MIOS: variants seen among roughly 807,000 people sequenced by gnomAD.
MIOS encodes meiosis regulator for oocyte development.
In MIOS, 52 loss-of-function variants were observed where a neutral mutation model predicts 96.9. That is an observed-to-expected ratio of 0.54 (90% CI 0.43 to 0.68). MIOS has a LOEUF of 0.68. MIOS is among the 30% of genes least tolerant of loss of function. The pLI, the probability that MIOS is intolerant of heterozygous loss-of-function variation, is 0.00. For missense variants in MIOS, 1,005 were observed against 1,052.8 expected (o/e 0.95, Z 0.63); for synonymous variants, 397 against 359.5 (o/e 1.10, Z -1.18).
chr7:7,604,498 A>G (rs532267452), intron 11 of MIOS, among the ~76,000 whole-genome samples: 3 of 152,160 alleles, frequency 2.0e-5, no homozygotes, highest in South Asian at 4.1e-4. Context: ...TAGAAATGTT[A>G]CAGTAAAGAA....
intron 6 of MIOS, 46 bp downstream of exon 6, chr7:7,583,418 G>A: frequency 6.8e-7 from 1 of 1,475,494 alleles, no homozygotes. Context: ...TAAGATGTTA[G>A]CAGTTCATGG....
chr7:7,597,045 G>A lies in MIOS; in HGVS notation c.2401+584G>A, dbSNP rs545580125. Among the ~76,000 whole-genome samples, 147 of 152,160 alleles carry A rather than the reference G, an allele frequency of 9.7e-4. 2 individuals are homozygous for A. The highest frequency in any genetic ancestry group is 3.5e-3 in the African/African-American group (146 of 41,526). ...CCCCATCTCTATAAAAAATTTTTTT[G>A]GCCGGACATGGTGGCTCACGCCTGT... On this transcript the variant is annotated intron_variant, in intron 11 of 12. Transcript: ENST00000340080.
chr7:7,571,687 T>C (rs867604347), intron 3 of MIOS, among the ~76,000 whole-genome samples: 4 of 152,000 alleles, frequency 2.6e-5, no homozygotes, highest in African/African-American at 7.3e-5. Context: ...ACAAAGGGGT[T>C]CCCCACACAC....
At chr7:7,567,413 C>T (rs955686484) in intron 1 of MIOS, 194 bp from the exon 2 acceptor site, 5 of 152,298 alleles carry the variant, frequency 3.3e-5, no homozygotes, top group African/African-American at 1.2e-4. Flanking sequence ...CCTGCTTTAC[C>T]TAGAATAGCA....
At position 7,585,737 on chromosome 7, in the gene MIOS, A is replaced by C; in HGVS notation, c.1750A>C (p.Asn584His). 1 of 1,612,670 alleles carries C rather than the reference A, an allele frequency of 6.2e-7. No individual in the cohort carries two copies. The highest frequency in any genetic ancestry group is 8.5e-7 in the Non-Finnish European group (1 of 1,179,348). The change falls in exon 7 of 13, where the codon AAT (asparagine) becomes CAT (histidine). Residue 584 changes from asparagine to histidine, a missense_variant. Asn to His is a moderately conservative substitution (Grantham distance 68). This residue lies in a region of MIOS where 865 missense variants were observed against 887.9 expected (regional missense o/e 0.97). Transcript: ENST00000340080. Reference sequence around the variant, plus strand: ...GTGTAGCACACTGCGATTACAGCTAAATAACCCGTATTTGTGTGTCATGTT... The same window carrying C: ...GTGTAGCACACTGCGATTACAGCTACATAACCCGTATTTGTGTGTCATGTT... ...EMCSTLRLQL[N>H]NPYLCVMFAF...
intron 7 of MIOS, among the ~76,000 whole-genome samples, chr7:7,586,149 CATGCACGTGTGTGTGTGTGTGT>C (rs925972839): frequency 9.5e-5 from 13 of 136,662 alleles, no homozygotes; most frequent in African/African-American, 3.7e-4. Flanking sequence ...ACTGTGCACA[CATGCACGTGTGTGTGTGTGTGT>C]GTGTGTGTGT....
At chr7:7,587,065 C>T (rs1172949284) in intron 7 of MIOS, among the ~76,000 whole-genome samples, 1 of 148,222 alleles carries the variant, frequency 6.7e-6, no homozygotes, top group Non-Finnish European at 1.5e-5. Flanking sequence ...TACTGGAGTG[C>T]AGTGGTGCAA....
chr7:7,589,193 T>G (rs372178527), intron 8 of MIOS, among the ~76,000 whole-genome samples: 11 of 152,176 alleles, frequency 7.2e-5, no homozygotes, highest in African/African-American at 2.7e-4. Flanking sequence ...ATCAACATAA[T>G]AAATGCCTTT....
intron 11 of MIOS, among the ~76,000 whole-genome samples, chr7:7,597,687 G>A (rs1300939932): frequency 1.3e-5 from 2 of 148,798 alleles, no homozygotes; most frequent in African/African-American, 4.9e-5. Context: ...CACAGTGTTC[G>A]TTTTTGTTTG....
intron 3 of MIOS, among the ~76,000 whole-genome samples, chr7:7,570,140 C>T (rs887826717): frequency 9.8e-5 from 15 of 152,334 alleles, no homozygotes; most frequent in African/African-American, 3.6e-4. Context: ...AAGCCTCCAG[C>T]ACCACACACC....
intron 11 of MIOS, 69 bp from the exon 12 acceptor site, chr7:7,605,872 TG>T: frequency 7.0e-7 from 1 of 1,431,612 alleles, no homozygotes; most frequent in Non-Finnish European, 9.5e-7. Context: ...GTTTTAGAAA[TG>T]CTTTTTGAAA....
intron 5 of MIOS, chr7:7,581,723 C>T (rs1056089235): frequency 3.9e-5 from 6 of 152,152 alleles, no homozygotes; most frequent in Admixed American, 3.9e-4. Context: ...GCCACGTGGC[C>T]TTCTCACAGA....
chr7:7,597,309 G>C (rs549754931), intron 11 of MIOS, among the ~76,000 whole-genome samples: 1 of 140,974 alleles, frequency 7.1e-6, no homozygotes, highest in African/African-American at 2.6e-5. Flanking sequence ...CTGGGCGACA[G>C]AGCAAGACTC....
At chr7:7,599,408 C>T (rs1784306506) in intron 11 of MIOS, among the ~76,000 whole-genome samples, 1 of 152,050 alleles carries the variant, frequency 6.6e-6, no homozygotes, top group Non-Finnish European at 1.5e-5. Context: ...TGAATTAGGA[C>T]TATTATATAA....
rs772793937 is a variant in MIOS, at chr7:7,605,894, A to G, written c.2402-48A>G. 5 of 1,527,606 alleles carry G rather than the reference A, an allele frequency of 3.3e-6. No individual in the cohort carries two copies. In the African/African-American group the frequency reaches 5.6e-5, roughly 17 times the overall value. The allele number at this position is 1,527,606 out of a possible 1,614,324, so 94.6% of individuals were successfully genotyped here. A position where few individuals can be genotyped will look rare whatever the true frequency, so the allele number is the denominator to read the frequency against. On this transcript the variant is annotated intron_variant, in intron 11 of 12. Transcript: ENST00000340080. Reference sequence around the variant, plus strand: ...AAATGCTTTTTGAAAGTAACTTTAAATAAAATATTATGATATAGTTAATGA... The same window carrying G: ...AAATGCTTTTTGAAAGTAACTTTAAGTAAAATATTATGATATAGTTAATGA...
Position 7,573,901 on chromosome 7 carries a change from A to G in MIOS, c.1294+132A>G. 9.5e-7 allele frequency: 1 copy of G among 1,049,352 alleles called. No individual in the cohort carries two copies. The highest frequency in any genetic ancestry group is 1.7e-5 in the South Asian group (1 of 60,092). 65.0% of individuals were successfully genotyped at this position (1,049,352 alleles called of 1,614,324 possible). A position where few individuals can be genotyped will look rare whatever the true frequency, so the allele number is the denominator to read the frequency against. On this transcript the variant is annotated intron_variant, in intron 4 of 12. Coordinates refer to ENST00000340080, the MANE Select transcript of MIOS (RefSeq NM_019005.4). The surrounding 1 kb of genome is among the most constrained non-coding windows in gnomAD (Gnocchi z 5.0). ...AAGTTACATAATACTAACATTATAA[A>G]GTAAAATTGTTCTAAACTTTCGAAC...
At chr7:7,595,585 A>T (rs1245738445) in intron 10 of MIOS, among the ~76,000 whole-genome samples, 1 of 152,216 alleles carries the variant, frequency 6.6e-6, no homozygotes, top group African/African-American at 2.4e-5. Flanking sequence ...AAGGTATACC[A>T]CATTAAATCA....
At chr7:7,576,602 T>C (rs773511121) in intron 5 of MIOS, among the ~76,000 whole-genome samples, 19 of 152,132 alleles carry the variant, frequency 1.2e-4, no homozygotes. Flanking sequence ...GAATGGAGGC[T>C]AGAAAGGTAA....
At position 7,573,982 on chromosome 7, in the gene MIOS, G is replaced by C. The variant is rs907700354; in HGVS notation, c.1295-116G>C. The C allele has an allele frequency of 5.5e-6, 5 of 917,226 alleles. No homozygotes were observed. The African/African-American group carries it at 6.7e-5, about 12-fold the overall frequency. The allele number at this position is 917,226 out of a possible 1,614,324, so 56.8% of individuals were successfully genotyped here. On this transcript the variant is annotated intron_variant, in intron 4 of 12. Coordinates refer to ENST00000340080, the MANE Select transcript of MIOS (RefSeq NM_019005.4). This position sits in a 1 kb window ranked among gnomAD's most constrained non-coding sequence, Gnocchi z 5.0. ...GGAAGAAAAGTGTATCTCTGCAATA[G>C]AGTCGAACCACCTTATTTACACTGA...
Sources: gnomAD v4.1 joint callset for allele counts (sites outside exome capture counted in the v4.1 genomes callset) on GRCh38, gnomAD v4.1.1 for gene constraint, gnomAD v4.1.1 regional missense constraint, Gnocchi (gnomAD v3.1) non-coding constraint, MANE v1.5 for transcripts, NCBI Gene and HGNC (gene_info 2026-07-23, HGNC 2026-07-21) for gene names.